The following GRIK2 variants were observed in gnomAD, a reference collection of about 807,000 sequenced individuals.
The protein encoded by GRIK2 is glutamate receptor ionotropic, kainate 2.
Under a neutral mutation model 100.3 loss-of-function variants are expected in GRIK2, and 32 were observed. The observed-to-expected ratio is 0.32, with a 90% CI of 0.24 to 0.43. The LOEUF (loss-of-function observed/expected upper bound fraction) is 0.43. GRIK2 is among the 20% of genes least tolerant of loss of function. The pLI is 1.00. For synonymous variants in GRIK2, 417 were observed against 389.4 expected (o/e 1.07, Z -0.83); for missense variants, 843 against 1,114.9 (o/e 0.76, Z 3.47).
chr6:102,042,856 A>G (rs1225959409), intron 15 of GRIK2, among the ~76,000 whole-genome samples: 1 of 151,728 alleles, frequency 6.6e-6, no homozygotes, highest in African/African-American at 2.4e-5. Flanking sequence ...AAGAAATATG[A>G]CAGCAAATCT....
intron 8 of GRIK2, among the ~76,000 whole-genome samples, chr6:101,800,625 A>G (rs1423655467): frequency 3.3e-5 from 5 of 152,216 alleles, no homozygotes; most frequent in Non-Finnish European, 7.4e-5. Flanking sequence ...TAGGATCATA[A>G]TTAAGTATCT....
At chr6:101,746,482 A>G (rs1457304076) in intron 7 of GRIK2, among the ~76,000 whole-genome samples, 1 of 152,064 alleles carries the variant, frequency 6.6e-6, no homozygotes, top group Non-Finnish European at 1.5e-5. Flanking sequence ...ATGTTCCACC[A>G]TGCCTGGCTA....
chr6:101,756,726 T>C (rs1026701906), intron 7 of GRIK2, among the ~76,000 whole-genome samples: 1 of 152,294 alleles, frequency 6.6e-6, no homozygotes, highest in East Asian at 1.9e-4. Flanking sequence ...AGATTTATTT[T>C]TGGTGTTGAA....
chr6:101,441,794 C>A (rs1182968815), intron 2 of GRIK2, among the ~76,000 whole-genome samples: 2 of 152,110 alleles, frequency 1.3e-5, no homozygotes, highest in African/African-American at 4.8e-5. Flanking sequence ...CAAACTTTTA[C>A]CCTCAAATAG....
rs1789642386 is a variant in GRIK2 at position 101,922,758 on chromosome 6, A to T, written c.1749-1843A>T. On this transcript the variant is annotated intron_variant, in intron 12 of 16. Transcript: ENST00000369134. Reference sequence around the variant, plus strand: ...TAGCAGCAGAGCCCGTTCATGATCTAACCACTAAATCACATTGTCTCTCAT... The same window carrying T: ...TAGCAGCAGAGCCCGTTCATGATCTTACCACTAAATCACATTGTCTCTCAT... Among the ~76,000 whole-genome samples the T allele has an allele frequency of 2.0e-5, 3 of 152,184 alleles. No individual in the cohort carries two copies. In the South Asian group the frequency reaches 6.2e-4, roughly 31 times the overall value.
At chr6:102,024,083 T>C (rs1469671206) in intron 14 of GRIK2, among the ~76,000 whole-genome samples, 1 of 150,856 alleles carries the variant, frequency 6.6e-6, no homozygotes, top group Non-Finnish European at 1.5e-5. Flanking sequence ...AATTCAGGTG[T>C]TGAAAATAGT....
rs6570992 is a variant in GRIK2, at chr6:101,779,879, A to G, written c.952-19769A>G. Among the ~76,000 whole-genome samples the G allele has an allele frequency of 5.3e-5, 8 of 150,160 alleles. No homozygotes were observed. The East Asian group carries it at 1.2e-3, about 22-fold the overall frequency. Reference sequence around the variant, plus strand: ...CTTGGAGAGATAAATCTCTCTCTCTATATATATATAAAATTGTAGTTGAAA... The same window carrying G: ...CTTGGAGAGATAAATCTCTCTCTCTGTATATATATAAAATTGTAGTTGAAA... On this transcript the variant is annotated intron_variant, in intron 7 of 16. Transcript: ENST00000369134.
At chr6:101,968,391 T>C (rs1008226012) in intron 14 of GRIK2, among the ~76,000 whole-genome samples, 1 of 152,054 alleles carries the variant, frequency 6.6e-6, no homozygotes, top group African/African-American at 2.4e-5. Flanking sequence ...AAAACAAATT[T>C]GCATTGCTAT....
chr6:101,924,810 G>C, intron 13 of GRIK2, 91 bp downstream of exon 13: 1 of 786,974 alleles, frequency 1.3e-6, no homozygotes, highest in Non-Finnish European at 2.3e-6. Flanking sequence ...CGCTTGCATG[G>C]GTGCCTCTGT....
chr6:101,693,375 A>G (rs1331221001), intron 7 of GRIK2, among the ~76,000 whole-genome samples: 2 of 152,060 alleles, frequency 1.3e-5, no homozygotes, highest in East Asian at 3.9e-4. Flanking sequence ...TATAAAGGAT[A>G]AATACATTTC....
At chr6:101,963,648 G>A (rs556819851) in intron 14 of GRIK2, among the ~76,000 whole-genome samples, 25 of 151,118 alleles carry the variant, frequency 1.7e-4, no homozygotes, top group African/African-American at 5.8e-4. Flanking sequence ...CACCGCGCCC[G>A]GCCACTTATT....
chr6:101,793,835 G>T (rs1277502392), intron 7 of GRIK2, among the ~76,000 whole-genome samples: 1 of 152,186 alleles, frequency 6.6e-6, no homozygotes, highest in African/African-American at 2.4e-5. Flanking sequence ...GAGGCAGGCA[G>T]ACCTCCTTGA....
intron 14 of GRIK2, among the ~76,000 whole-genome samples, chr6:101,969,753 T>A (rs1027904332): frequency 1.1e-4 from 17 of 152,166 alleles, no homozygotes; most frequent in Non-Finnish European, 2.1e-4. Context: ...GTGTCTTAGA[T>A]AAGTCCACAT....
chr6:101,671,945 A>G (rs1226614645), intron 4 of GRIK2, among the ~76,000 whole-genome samples: 1 of 152,150 alleles, frequency 6.6e-6, no homozygotes. Flanking sequence ...GTGTCTGTGG[A>G]GCCACTTCGA....
At chr6:101,653,634 TTC>T (rs1351317518) in intron 4 of GRIK2, among the ~76,000 whole-genome samples, 1 of 151,978 alleles carries the variant, frequency 6.6e-6, no homozygotes, top group Non-Finnish European at 1.5e-5. Context: ...TTTATTTTCT[TTC>T]TTTCTTTTTT....
intron 2 of GRIK2, among the ~76,000 whole-genome samples, chr6:101,579,277 G>T (rs915046641): frequency 2.0e-5 from 3 of 152,010 alleles, no homozygotes; most frequent in Non-Finnish European, 4.4e-5. Flanking sequence ...TCAAAATGAA[G>T]GTTGTATATT....
At chr6:101,958,282 T>TGTGTGTGTGTGTGTGTGTGG (rs1562511065) in intron 14 of GRIK2, among the ~76,000 whole-genome samples, 1 of 151,478 alleles carries the variant, frequency 6.6e-6, no homozygotes, top group Non-Finnish European at 1.5e-5. Flanking sequence ...TGTGTGTGTG[T>TGTGTGTGTGTGTGTGTGTGG]GGGTCCATTG....
At chr6:101,513,659 C>T (rs1425998002) in intron 2 of GRIK2, among the ~76,000 whole-genome samples, 1 of 152,042 alleles carries the variant, frequency 6.6e-6, no homozygotes, top group Non-Finnish European at 1.5e-5. Flanking sequence ...TAAAACCCAA[C>T]CTGTCTGATG....
chr6:101,426,596 C>T (rs539869491), intron 2 of GRIK2, among the ~76,000 whole-genome samples: 2 of 152,172 alleles, frequency 1.3e-5, no homozygotes, highest in South Asian at 4.2e-4. Flanking sequence ...TTAGTAGTAT[C>T]AGGAAAAATA....
Sources: gnomAD v4.1 joint callset for allele counts (sites outside exome capture counted in the v4.1 genomes callset) on GRCh38, gnomAD v4.1.1 for gene constraint, MANE v1.5 for transcripts, NCBI Gene and HGNC (gene_info 2026-07-23, HGNC 2026-07-21) for gene names.